Variants in PTGFRN observed in about 807,000 individuals in gnomAD.
PTGFRN encodes prostaglandin F2 receptor inhibitor.
In PTGFRN, 35 loss-of-function variants were observed where a neutral mutation model predicts 83.2. The observed-to-expected ratio is 0.42, with a 90% CI of 0.32 to 0.56. The LOEUF (loss-of-function observed/expected upper bound fraction) is 0.56. Among genes scored for constraint, PTGFRN ranks in the 20% least tolerant of loss-of-function variants. PTGFRN has a pLI of 0.11. For synonymous variants in PTGFRN, 519 were observed against 498.6 expected, an observed-to-expected ratio of 1.04 and a Z score of -0.55; for missense variants, 1,051 against 1,179.5, an observed-to-expected ratio of 0.89 and a Z score of 1.60.
intron 7 of PTGFRN, among the ~76,000 whole-genome samples, chr1:116,980,814 C>T (rs922861165): frequency 6.6e-5 from 10 of 152,112 alleles, no homozygotes; most frequent in African/African-American, 2.4e-4. Context: ...TGTAACAAAC[C>T]TGCACGTTGT....
In PTGFRN at chr1:116,971,281, C is replaced by T. The variant is rs147216504; in HGVS notation, c.2060-2935C>T. Among the ~76,000 whole-genome samples, 335 of 151,692 alleles carry T rather than the reference C, an allele frequency of 2.2e-3. 5 individuals are homozygous for T. The highest frequency in any genetic ancestry group is 0.017 in the Admixed American group (258 of 15,266). ...TAATGACTTTACATACTTGAATTTG[C>T]TTAGCCATTACCCTATTGATGGACA... On this transcript the variant is annotated intron_variant, in intron 6 of 8. Transcript: ENST00000393203.
intron 7 of PTGFRN, among the ~76,000 whole-genome samples, chr1:116,977,778 T>C (rs1570678475): frequency 6.6e-6 from 1 of 152,098 alleles, no homozygotes; most frequent in South Asian, 2.1e-4. Context: ...AGGAAAGATC[T>C]AAAATTGACA....
intron 7 of PTGFRN, among the ~76,000 whole-genome samples, chr1:116,977,985 TAAAG>T (rs1385826630): frequency 4.0e-5 from 6 of 151,560 alleles, no homozygotes; most frequent in African/African-American, 9.7e-5. Context: ...GCAAGACTAA[TAAAG>T]AAGAAAAGAG....
intron 1 of PTGFRN, among the ~76,000 whole-genome samples, chr1:116,914,290 A>G (rs1242227301): frequency 1.3e-5 from 2 of 152,212 alleles, no homozygotes; most frequent in Non-Finnish European, 2.9e-5. Flanking sequence ...TGAAAGTGGC[A>G]CACATCATTT....
chr1:116,949,420 G>C lies in PTGFRN; in HGVS notation c.1061G>C (p.Arg354Pro). Residue 354 changes from arginine to proline, a missense_variant, in exon 4 of 9, where the codon CGC becomes CCC. Around this residue, in one of 3 missense-constraint regions of PTGFRN, gnomAD observed 719 missense variants for 836.6 expected, o/e 0.86. Transcript: ENST00000393203. The stretch of plus-strand genomic sequence containing the variant: ...GTTGCTTTGAGTCATGTGGATGCAC[G>C]CTCCTACCATTTACTGGTTCGGGAT... ...PHVALSHVDA[R>P]SYHLLVRDVS... 4 of 1,614,260 alleles carry C rather than the reference G, an allele frequency of 2.5e-6. No homozygotes were observed. Among genetic ancestry groups the C allele is most frequent in the Middle Eastern group, 3.3e-4 (2 of 6,062 alleles).
rs139151470 is a variant in PTGFRN, at chr1:116,972,310, G to A, written c.2060-1906G>A. Reference sequence around the variant, plus strand: ...CAATTCTTTATCCCCTTAGAGTTACGTACGCCCCTGCTGTTCCCTGAATAA... The same window carrying A: ...CAATTCTTTATCCCCTTAGAGTTACATACGCCCCTGCTGTTCCCTGAATAA... On this transcript the variant is annotated intron_variant, in intron 6 of 8. Transcript: ENST00000393203. 4.9e-3 allele frequency among the ~76,000 whole-genome samples: 744 copies of A among 152,240 alleles called. 6 individuals carry two copies. The highest frequency in any genetic ancestry group is 0.017 in the African/African-American group (714 of 41,516).
At chr1:116,924,143 ATTTTTT>A (rs147663868) in intron 1 of PTGFRN, among the ~76,000 whole-genome samples, 1 of 116,128 alleles carries the variant, frequency 8.6e-6, no homozygotes, top group African/African-American at 3.7e-5. Context: ...CTGTGCATGT[ATTTTTT>A]TTTTTTTTTT....
intron 8 of PTGFRN, among the ~76,000 whole-genome samples, chr1:116,985,592 C>G (rs2101093820): frequency 6.6e-6 from 1 of 152,050 alleles, no homozygotes; most frequent in Admixed American, 6.5e-5. Context: ...GCCTGTAATC[C>G]CAGCTACTCG....
rs1322438458 is a variant in PTGFRN at position 116,966,938 on chromosome 1, A to G, written c.1667A>G (p.Gln556Arg). The G allele has an allele frequency of 6.2e-7, 1 of 1,606,710 alleles. No individual in the cohort carries two copies. Among genetic ancestry groups the G allele is most frequent in the East Asian group, 2.2e-5 (1 of 44,660 alleles). ...TCCGTGCTTGTGGTGAAGGCGAGGC[A>G]GCCAAAGCCTTTCTTTGCTGCCGGA... ...EDSVLVVKAR[Q>R]PKPFFAAGNT... The change falls in exon 6 of 9, where the codon CAG becomes CGG. Residue 556 changes from glutamine (Q) to arginine (R), a missense_variant. By Grantham distance (43) the Gln-to-Arg change is conservative. Around this residue, in one of 3 missense-constraint regions of PTGFRN, gnomAD observed 719 missense variants for 836.6 expected, o/e 0.86. Coordinates refer to ENST00000393203, the MANE Select transcript of PTGFRN (RefSeq NM_020440.4).
rs922306408 is a variant in PTGFRN at position 116,958,515 on chromosome 1, C to T, written c.1214-2728C>T. ...TCACTAACTTCTTTAAAGCTCTCCC[C>T]TCAGAAATGGGAACTGTGAATAATG... On this transcript the variant is annotated intron_variant, in intron 4 of 8. Transcript: ENST00000393203. This position sits in a 1 kb window ranked among gnomAD's most constrained non-coding sequence, Gnocchi z 4.9. Among the ~76,000 whole-genome samples the T allele has an allele frequency of 6.6e-6, 1 of 152,138 alleles. No homozygotes were observed. The highest frequency in any genetic ancestry group is 2.4e-5 in the African/African-American group (1 of 41,420).
chr1:116,912,514 C>A (rs1011882857), intron 1 of PTGFRN, among the ~76,000 whole-genome samples: 2 of 152,164 alleles, frequency 1.3e-5, no homozygotes, highest in South Asian at 4.1e-4. Context: ...TCTCTCAATT[C>A]TTGGCTCTCC....
chr1:116,947,794 A>G (rs918190863), intron 3 of PTGFRN, among the ~76,000 whole-genome samples: 1 of 152,170 alleles, frequency 6.6e-6, no homozygotes. Context: ...CAGTTTCCAT[A>G]CTTAGTCCTC....
At chr1:116,920,292 TG>T (rs2101051847) in intron 1 of PTGFRN, among the ~76,000 whole-genome samples, 1 of 152,360 alleles carries the variant, frequency 6.6e-6, no homozygotes, top group South Asian at 2.1e-4. Context: ...GGCAGACCCC[TG>T]GGGGAAGTCA....
chr1:116,962,305 C>G (rs1460747165), intron 5 of PTGFRN: 1 of 152,230 alleles, frequency 6.6e-6, no homozygotes, highest in Non-Finnish European at 1.5e-5. Context: ...ACTTCAGTAT[C>G]TGTGTAGAGC....
rs1377889083 is a variant in PTGFRN, at chr1:116,989,582, A to AAT, written c.*2616_*2617insTA. 3 of 152,776 alleles carry AAT rather than the reference A, an allele frequency of 2.0e-5. No individual in the cohort carries two copies. Among genetic ancestry groups the AAT allele is most frequent in the South Asian group, 4.1e-4 (2 of 4,828 alleles). The allele number at this position is 152,776 out of a possible 1,614,324, so 9.5% of individuals were successfully genotyped here. The stretch of plus-strand genomic sequence containing the variant: ...ACTTCTTAACAAAAAGGAACTTTAT[A>AAT]AAAGTTTGGGATTTTTTTTCCTAAT... On this transcript the variant is annotated 3_prime_UTR_variant, in exon 9 of 9. Coordinates refer to ENST00000393203, the MANE Select transcript of PTGFRN (RefSeq NM_020440.4).
chr1:116,933,207 G>A (rs1039562563), intron 1 of PTGFRN, among the ~76,000 whole-genome samples: 4 of 152,120 alleles, frequency 2.6e-5, no homozygotes, highest in Admixed American at 2.6e-4. Flanking sequence ...TGGGGTCTTT[G>A]ATTAATCAAG....
intron 7 of PTGFRN, among the ~76,000 whole-genome samples, chr1:116,976,192 G>A (rs1183942574): frequency 6.6e-6 from 1 of 152,154 alleles, no homozygotes; most frequent in Non-Finnish European, 1.5e-5. Context: ...AAAAAGAAAT[G>A]AACAAAGCCT....
chr1:116,935,938 C>T (rs1353726692), intron 1 of PTGFRN, among the ~76,000 whole-genome samples: 1 of 152,026 alleles, frequency 6.6e-6, no homozygotes, highest in African/African-American at 2.4e-5. Context: ...TATATTGACT[C>T]CTGAAAACAA....
chr1:116,934,445 C>T (rs1649871051), intron 1 of PTGFRN, among the ~76,000 whole-genome samples: 1 of 152,306 alleles, frequency 6.6e-6, no homozygotes, highest in African/African-American at 2.4e-5. Flanking sequence ...CTGTGCCTGG[C>T]TGCTGACTTC....
Sources: gnomAD v4.1 joint callset for allele counts (sites outside exome capture counted in the v4.1 genomes callset) on GRCh38, gnomAD v4.1.1 for gene constraint, gnomAD v4.1.1 regional missense constraint, Gnocchi (gnomAD v3.1) non-coding constraint, MANE v1.5 for transcripts, NCBI Gene and HGNC (gene_info 2026-07-23, HGNC 2026-07-21) for gene names.